The following ARL6 variants were observed in gnomAD, a reference collection of about 807,000 sequenced individuals.
ARL6 encodes the protein ADP-ribosylation factor-like protein 6.
ARL6 carries 18 observed loss-of-function variants against 27.1 expected under a neutral mutation model. The ratio of observed to expected loss-of-function variants is 0.66; its 90% CI spans 0.46 to 0.98. The LOEUF (loss-of-function observed/expected upper bound fraction) is 0.98, where lower values mean the gene tolerates loss of function less well. ARL6 is among the 50% of genes least tolerant of loss of function. The pLI is 0.00. For synonymous variants in ARL6, 65 were observed against 72.3 expected (o/e 0.90, Z 0.51); for missense variants, 187 against 214.9 (o/e 0.87, Z 0.81).
Position 97,780,587 on chromosome 3 carries a change from TGTA to T in ARL6, c.186-25_186-23del, listed in dbSNP as rs547786796. The T allele has an allele frequency of 4.0e-3, 6,272 of 1,573,146 alleles. 11 individuals are homozygous for T. The highest frequency in any genetic ancestry group is 5.1e-3 in the Non-Finnish European group (5,792 of 1,142,890). ...GTAAAAGTTATGCTTTAGTTTATAATGTAGTCATGTTTTGCTTCTTTTTGTAGT... is the reference window on the plus strand; with the variant it reads ...GTAAAAGTTATGCTTTAGTTTATAATGTCATGTTTTGCTTCTTTTTGTAGT... On this transcript the variant is annotated intron_variant, in intron 3 of 7. Transcript: ENST00000463745.
At chr3:97,779,886 T>C (rs1382372641) in intron 2 of ARL6, among the ~76,000 whole-genome samples, 4 of 151,710 alleles carry the variant, frequency 2.6e-5, no homozygotes, top group Admixed American at 6.6e-5. Flanking sequence ...AAAACACTTA[T>C]TAAACCACTT....
chr3:97,768,301 T>C, intron 2 of ARL6, 71 bp downstream of exon 2: 2 of 1,530,878 alleles, frequency 1.3e-6, no homozygotes, highest in Admixed American at 3.6e-5. Flanking sequence ...AATTATGTTA[T>C]ATGACGTTAA....
chr3:97,779,546 A>G (rs566855290), intron 2 of ARL6, among the ~76,000 whole-genome samples: 3 of 152,258 alleles, frequency 2.0e-5, no homozygotes, highest in African/African-American at 7.2e-5. Context: ...AGTCTGGAAC[A>G]TATACAAACT....
chr3:97,764,739 C>CA, upstream of ARL6: 1 of 152,490 alleles, frequency 6.6e-6, no homozygotes, highest in East Asian at 1.9e-4. Flanking sequence ...CTCCTGTTGC[C>CA]AAGGGAACGG....
intron 1 of ARL6, chr3:97,765,981 C>A (rs1291743420): frequency 2.0e-5 from 3 of 152,156 alleles, no homozygotes; most frequent in African/African-American, 4.8e-5. Flanking sequence ...AATGTGATTA[C>A]CTCTTTTAGA....
chr3:97,781,002 C>T (rs2037170599), intron 4 of ARL6, among the ~76,000 whole-genome samples: 1 of 152,112 alleles, frequency 6.6e-6, no homozygotes, highest in Non-Finnish European at 1.5e-5. Context: ...TTTCACTGTT[C>T]TGCCCAGTTA....
chr3:97,800,405 T>TA lies in ARL6; in HGVS notation c.*2357dup, dbSNP rs1306911052. On this transcript the variant is annotated 3_prime_UTR_variant, in exon 8 of 8. Transcript: ENST00000463745. ...CTTTCATGTCTAGACATCAGTGTGT[T>TA]ACAGAGTTTAATTCATTAAGCTCTG... 6.6e-6 allele frequency: 1 copy of TA among 152,186 alleles called. No individual in the cohort carries two copies. The highest frequency in any genetic ancestry group is 1.5e-5 in the Non-Finnish European group (1 of 68,020). 9.4% of individuals were successfully genotyped at this position (152,186 alleles called of 1,614,324 possible).
chr3:97,767,950 A>G (rs2036461011), intron 1 of ARL6, 131 bp from the exon 2 acceptor site: 6 of 816,554 alleles, frequency 7.3e-6, no homozygotes, highest in Non-Finnish European at 1.1e-5. Flanking sequence ...ACTAAGTGCA[A>G]AGCTACATTG....
At chr3:97,771,829 G>C (rs1184087851) in intron 2 of ARL6, among the ~76,000 whole-genome samples, 1 of 151,922 alleles carries the variant, frequency 6.6e-6, no homozygotes, top group Non-Finnish European at 1.5e-5. Flanking sequence ...AATCTTATGG[G>C]CTCATATATT....
chr3:97,788,950 C>A (rs72934160), intron 6 of ARL6, among the ~76,000 whole-genome samples: 48 of 152,200 alleles, frequency 3.2e-4, no homozygotes, highest in African/African-American at 1.1e-3. Flanking sequence ...AGAGTTTCCC[C>A]CTTTTTATAA....
chr3:97,795,374 G>A (rs4857292), intron 7 of ARL6, among the ~76,000 whole-genome samples: 63,266 of 151,944 alleles, frequency 0.42, 14,172 homozygotes, highest in East Asian at 0.64. Context: ...TTGTCTGCAT[G>A]GAAAAAGTTA....
chr3:97,773,371 A>C (rs1426695307), intron 2 of ARL6, among the ~76,000 whole-genome samples: 5 of 152,146 alleles, frequency 3.3e-5, no homozygotes, highest in Admixed American at 2.6e-4. Context: ...CCACTGACTC[A>C]AATATTAATC....
At position 97,768,170 on chromosome 3, in the gene ARL6, G is replaced by A. The variant is rs369665795; in HGVS notation, c.63G>A (p.Leu21=). 1.9e-6 allele frequency: 3 copies of A among 1,612,878 alleles called. No individual in the cohort carries two copies. Among genetic ancestry groups the A allele is most frequent in the South Asian group, 1.1e-5 (1 of 91,056 alleles). ...LGLKKKEVHV[L]CLGLDNSGKT... ...TGAAGAAGAAGGAGGTTCATGTTTTGTGCCTTGGGCTAGATAATAGTGGCA... is the reference window on the plus strand; with the variant it reads ...TGAAGAAGAAGGAGGTTCATGTTTTATGCCTTGGGCTAGATAATAGTGGCA... The change falls in exon 2 of 8, where the codon TTG becomes TTA. Residue 21 remains leucine, a synonymous_variant. Transcript: ENST00000463745.
At chr3:97,775,948 A>T (rs1292781702) in intron 2 of ARL6, among the ~76,000 whole-genome samples, 1 of 152,194 alleles carries the variant, frequency 6.6e-6, no homozygotes, top group East Asian at 1.9e-4. Context: ...TATTAGGTCC[A>T]TTTGGTCTAG....
chr3:97,793,862 A>G (rs1029842590), intron 7 of ARL6, among the ~76,000 whole-genome samples: 2 of 139,338 alleles, frequency 1.4e-5, no homozygotes, highest in Non-Finnish European at 3.1e-5. Flanking sequence ...CTGATAGTTG[A>G]AAAAAAAAAA....
At chr3:97,797,896 A>G in intron 7 of ARL6, 128 bp from the exon 8 acceptor site, 4 of 898,576 alleles carry the variant, frequency 4.5e-6, no homozygotes, top group Non-Finnish European at 7.1e-6. Context: ...ATCTCTAAAA[A>G]ATAATAATAA....
In ARL6 at chr3:97,782,054, G is replaced by A. The variant is rs570260290; in HGVS notation, c.254+1371G>A. On this transcript the variant is annotated intron_variant, in intron 4 of 7. Transcript: ENST00000463745. ...AGGTCCAGAAGACTTCTGAGAGAGA[G>A]GGAAAAGAGAGTGCTTCAGATTCGA... is the stretch of plus-strand genomic sequence containing the variant. Among the ~76,000 whole-genome samples the A allele has an allele frequency of 3.9e-5, 6 of 151,922 alleles. No individual in the cohort carries two copies. The highest frequency in any genetic ancestry group is 1.5e-5 in the Non-Finnish European group (1 of 67,874).
At chr3:97,774,527 G>A (rs972363383) in intron 2 of ARL6, among the ~76,000 whole-genome samples, 1 of 152,066 alleles carries the variant, frequency 6.6e-6, no homozygotes, top group African/African-American at 2.4e-5. Context: ...GCCACTACTG[G>A]GAATGGGGAA....
intron 2 of ARL6, among the ~76,000 whole-genome samples, chr3:97,769,647 A>C (rs2036549367): frequency 6.6e-6 from 1 of 151,894 alleles, no homozygotes; most frequent in Non-Finnish European, 1.5e-5. Flanking sequence ...CCTTTATCTA[A>C]CTGTATTTTT....
Sources: allele counts gnomAD v4.1 joint callset (sites outside exome capture counted in the v4.1 genomes callset), GRCh38; gene constraint gnomAD v4.1.1; transcripts MANE v1.5; gene names NCBI Gene and HGNC (gene_info 2026-07-23, HGNC 2026-07-21).